Variants in TBCB observed in about 807,000 individuals in gnomAD.
The protein encoded by TBCB is tubulin-folding cofactor B.
TBCB carries 18 observed loss-of-function variants against 29.2 expected under a neutral mutation model. That is an observed-to-expected ratio of 0.62 (90% CI 0.43 to 0.91). TBCB has a LOEUF of 0.91. Among genes scored for constraint, TBCB ranks in the 40% least tolerant of loss-of-function variants. The pLI, the probability that TBCB is intolerant of heterozygous loss-of-function variation, is 0.00. For synonymous variants in TBCB, 172 were observed against 137.8 expected (o/e 1.25, Z -1.74); for missense variants, 336 against 337.6 (o/e 1.00, Z 0.04).
Position 36,115,486 on chromosome 19 carries a change from G to C in TBCB, c.-75G>C. On this transcript the variant is annotated 5_prime_UTR_variant, in exon 1 of 6. Coordinates refer to ENST00000221855, the MANE Select transcript of TBCB (RefSeq NM_001281.3). ...AGGCGGGGCTGATAGCCCAGCAGCAGCAGCGGCGGCGGCGGCTGCGGAGCG... is the reference window on the plus strand; with the variant it reads ...AGGCGGGGCTGATAGCCCAGCAGCACCAGCGGCGGCGGCGGCTGCGGAGCG... 8.6e-7 allele frequency: 1 copy of C among 1,159,476 alleles called. No homozygotes were observed. The highest frequency in any genetic ancestry group is 1.2e-6 in the Non-Finnish European group (1 of 802,366). The allele number at this position is 1,159,476 out of a possible 1,614,324, so 71.8% of individuals were successfully genotyped here.
rs1599867717 is a variant in TBCB, at chr19:36,125,593, G to C, written c.620+70G>C. 5 of 1,610,582 alleles carry C rather than the reference G, an allele frequency of 3.1e-6. No homozygotes were observed. The East Asian group carries it at 1.1e-4, about 36-fold the overall frequency. On this transcript the variant is annotated intron_variant, in intron 5 of 5. Transcript: ENST00000221855. ...TAAGTCCATGCGTGCTGCTTGCTGA[G>C]CTGCCCATGCCAGCTTCTAGAGTGG...
intron 4 of TBCB, among the ~76,000 whole-genome samples, chr19:36,124,430 A>G (rs2145911399): frequency 6.6e-6 from 1 of 152,142 alleles, no homozygotes; most frequent in South Asian, 2.1e-4. Flanking sequence ...CATGTTGGCC[A>G]GGCTGGTCTC....
chr19:36,119,969 C>A (rs114740448), intron 2 of TBCB, among the ~76,000 whole-genome samples: 3,277 of 152,076 alleles, frequency 0.022, 116 homozygotes, highest in African/African-American at 0.076. Flanking sequence ...CTCCACCCCA[C>A]CCGCACCACC....
chr19:36,115,518 A>T lies in TBCB; in HGVS notation c.-43A>T, dbSNP rs746128501. ...CGGCGGCGGCTGCGGAGCGGGTGTG[A>T]GGCGGCTGGACCGCGCTGCAGGCAT... On this transcript the variant is annotated 5_prime_UTR_variant, in exon 1 of 6. Coordinates refer to ENST00000221855, the MANE Select transcript of TBCB (RefSeq NM_001281.3). The T allele has an allele frequency of 2.0e-6, 3 of 1,477,540 alleles. No homozygotes were observed. The highest frequency in any genetic ancestry group is 1.9e-5 in the Admixed American group (1 of 51,382). 91.5% of individuals were successfully genotyped at this position (1,477,540 alleles called of 1,614,324 possible).
At chr19:36,121,746 G>C in intron 4 of TBCB, 28 bp downstream of exon 4, 1 of 1,547,922 alleles carries the variant, frequency 6.5e-7, no homozygotes, top group South Asian at 1.2e-5. Flanking sequence ...CCGGTCCCGG[G>C]CTCCAGGGCT....
intron 2 of TBCB, among the ~76,000 whole-genome samples, chr19:36,120,117 T>C (rs1019445451): frequency 5.9e-5 from 9 of 152,268 alleles, no homozygotes; most frequent in Middle Eastern, 3.4e-3. Flanking sequence ...TTCCCTGTCA[T>C]ATTTTTCTCC....
intron 1 of TBCB, 167 bp downstream of exon 1, chr19:36,115,841 G>T: frequency 1.9e-6 from 2 of 1,047,694 alleles, no homozygotes; most frequent in Non-Finnish European, 2.7e-6. Flanking sequence ...GAGAGAACTC[G>T]AGAGTGCAGA....
chr19:36,121,226 C>T (rs190063242), intron 3 of TBCB, among the ~76,000 whole-genome samples: 75 of 151,494 alleles, frequency 5.0e-4, no homozygotes, highest in Admixed American at 4.9e-3. Flanking sequence ...GCCTCAGGGC[C>T]GGAGGAGGGC....
At chr19:36,118,174 C>G (rs1187062464) in intron 2 of TBCB, among the ~76,000 whole-genome samples, 1 of 152,180 alleles carries the variant, frequency 6.6e-6, no homozygotes, top group Non-Finnish European at 1.5e-5. Flanking sequence ...TGTTCATTCC[C>G]CATCTGTGTT....
At chr19:36,120,035 G>T (rs995062887) in intron 2 of TBCB, among the ~76,000 whole-genome samples, 1 of 151,598 alleles carries the variant, frequency 6.6e-6, no homozygotes, top group Non-Finnish European at 1.5e-5. Context: ...TGCCGTTCTT[G>T]CTCATCTTTC....
intron 1 of TBCB, 112 bp downstream of exon 1, chr19:36,115,786 C>G: frequency 1.7e-6 from 2 of 1,207,290 alleles, no homozygotes; most frequent in African/African-American, 1.5e-5. Context: ...GGAGGTGATC[C>G]CAGGCTGCGG....
rs1974127786 is a variant in TBCB, at chr19:36,125,733, T to C, written c.686T>C (p.Val229Ala). The change falls in exon 6 of 6, where the codon GTG (valine) becomes GCG (alanine). Residue 229 changes from valine (V) to alanine (A), a missense_variant. Transcript: ENST00000221855. ...KYGAFVKPAVVTVGDFPEEDY... is the reference protein window; with the variant it reads ...KYGAFVKPAVATVGDFPEEDY... ...GGCGCCTTTGTCAAGCCAGCAGTCG[T>C]GACGGTGGGGGACTTCCCGGAGGAG... The C allele has an allele frequency of 1.9e-6, 3 of 1,575,600 alleles. No individual in the cohort carries two copies. Among genetic ancestry groups the C allele is most frequent in the Non-Finnish European group, 2.6e-6 (3 of 1,160,698 alleles).
chr19:36,120,072 T>G (rs570449082), intron 2 of TBCB, among the ~76,000 whole-genome samples: 200 of 152,218 alleles, frequency 1.3e-3, no homozygotes, highest in African/African-American at 4.7e-3. Context: ...ATCCCCTCTT[T>G]TGGGAAGCCT....
At position 36,125,746 on chromosome 19, in the gene TBCB, C is replaced by G; in HGVS notation, c.699C>G (p.Asp233Glu). 6.4e-7 allele frequency: 1 copy of G among 1,567,094 alleles called. No homozygotes were observed. Among genetic ancestry groups the G allele is most frequent in the South Asian group, 1.2e-5 (1 of 83,190 alleles). Reference sequence around the variant, plus strand: ...AGCCAGCAGTCGTGACGGTGGGGGACTTCCCGGAGGAGGACTACGGGTTGG... The same window carrying G: ...AGCCAGCAGTCGTGACGGTGGGGGAGTTCCCGGAGGAGGACTACGGGTTGG... ...FVKPAVVTVG[D>E]FPEEDYGLDE... The change falls in exon 6 of 6, where the codon GAC (aspartate) becomes GAG (glutamate). Residue 233 changes from aspartate to glutamate, a missense_variant. Transcript: ENST00000221855.
In TBCB at chr19:36,121,569, A is replaced by C. The variant is rs990286163; in HGVS notation, c.398A>C (p.Tyr133Ser). ...CTGAAGCGCAGCAAGCTCGGCCGGTACAACGAGGAGGAGCGGGCTCAGCAG... is the reference window on the plus strand; with the variant it reads ...CTGAAGCGCAGCAAGCTCGGCCGGTCCAACGAGGAGGAGCGGGCTCAGCAG... ...SFLKRSKLGR[Y>S]NEEERAQQEA... Residue 133 changes from tyrosine to serine, a missense_variant, in exon 4 of 6, where the codon TAC (tyrosine) becomes TCC (serine). Tyr to Ser is a moderately radical substitution (Grantham distance 144). Transcript: ENST00000221855. 1.9e-6 allele frequency: 3 copies of C among 1,559,968 alleles called. No individual in the cohort carries two copies. Among genetic ancestry groups the C allele is most frequent in the Non-Finnish European group, 2.6e-6 (3 of 1,153,752 alleles).
At chr19:36,122,104 T>G (rs1974065089) in intron 4 of TBCB, 1 of 293,596 alleles carries the variant, frequency 3.4e-6, no homozygotes. Flanking sequence ...TGGGAGCATC[T>G]GAAGGAAAGG....
chr19:36,118,486 GGA>G, intron 2 of TBCB: 1 of 152,038 alleles, frequency 6.6e-6, no homozygotes, highest in Admixed American at 6.6e-5. Flanking sequence ...CTTAAGGTCA[GGA>G]GTTCGAGACG....
In TBCB at chr19:36,125,534, T is replaced by C. The variant is rs897792380; in HGVS notation, c.620+11T>C. ...GAAAAATGATGGCAGGTAACAAGAA[T>C]TCCCACTCAGGTGTCTGTGTGTGCA... On this transcript the variant is annotated intron_variant, in intron 5 of 5. Coordinates refer to ENST00000221855, the MANE Select transcript of TBCB (RefSeq NM_001281.3). 1.2e-6 allele frequency: 2 copies of C among 1,614,192 alleles called. No individual in the cohort carries two copies.
At chr19:36,120,912 A>C in intron 3 of TBCB, 106 bp downstream of exon 3, 1 of 1,047,926 alleles carries the variant, frequency 9.5e-7, no homozygotes. Context: ...CCAGTGGTGT[A>C]GACGGGGGGC....
Sources: allele counts gnomAD v4.1 joint callset (sites outside exome capture counted in the v4.1 genomes callset), GRCh38; gene constraint gnomAD v4.1.1; transcripts MANE v1.5; gene names NCBI Gene and HGNC (gene_info 2026-07-23, HGNC 2026-07-21).